Variants in MAK observed in about 807,000 individuals in gnomAD.
MAK encodes male germ cell associated kinase.
MAK carries 65 observed loss-of-function variants against 82.6 expected under a neutral mutation model. The ratio of observed to expected loss-of-function variants is 0.79; its 90% CI spans 0.64 to 0.97. The LOEUF is 0.97. Among genes scored for constraint, MAK ranks in the 50% least tolerant of loss-of-function variants. MAK has a pLI of 0.00. For missense variants in MAK, 703 were observed against 780.2 expected, an observed-to-expected ratio of 0.90 and a Z score of 1.18; for synonymous variants, 250 against 274.2, an observed-to-expected ratio of 0.91 and a Z score of 0.87.
intron 3 of MAK, among the ~76,000 whole-genome samples, chr6:10,818,613 CAAAA>C (rs35999127): frequency 1.8e-5 from 2 of 111,080 alleles, no homozygotes. Context: ...GACTCTGTCA[CAAAA>C]AAAAAAAAAA....
intron 6 of MAK, among the ~76,000 whole-genome samples, 158 bp downstream of exon 6, chr6:10,808,652 T>C (rs1189982645): frequency 1.3e-5 from 2 of 152,146 alleles, no homozygotes; most frequent in African/African-American, 4.8e-5. Context: ...GTGATCAGAA[T>C]AGCAATAAAC....
chr6:10,790,804 G>A (rs1428528557), intron 10 of MAK, among the ~76,000 whole-genome samples: 1 of 152,172 alleles, frequency 6.6e-6, no homozygotes, highest in Non-Finnish European at 1.5e-5. Flanking sequence ...CAGTTTTGAG[G>A]TGGGGCCTGG....
At chr6:10,796,972 T>G (rs562361794) in intron 8 of MAK, among the ~76,000 whole-genome samples, 10 of 152,274 alleles carry the variant, frequency 6.6e-5, no homozygotes, top group African/African-American at 2.4e-4. Flanking sequence ...GCTAAAATAC[T>G]ACACACCAAT....
intron 5 of MAK, among the ~76,000 whole-genome samples, chr6:10,810,115 AGAAAG>A (rs1561983265): frequency 4.3e-4 from 13 of 30,508 alleles, no homozygotes; most frequent in Non-Finnish European, 5.9e-4. Context: ...AAAAAAAAAA[AGAAAG>A]AAAAGAAAAA....
rs1285892339 is a variant in MAK, at chr6:10,833,193, CAT to C, written c.-229-2318_-229-2317del. On this transcript the variant is annotated intron_variant, in intron 1 of 14. Coordinates refer to ENST00000354489, the MANE Select transcript of MAK (RefSeq NM_001242957.3). ...AAAACAGCCTTTCCGGGAAAAGAAA[CAT>C]AAACATGAGCAGACATAAACGTGCA... Among the ~76,000 whole-genome samples the C allele has an allele frequency of 1.5e-4, 23 of 152,260 alleles. No homozygotes were observed. In the South Asian group the frequency reaches 4.6e-3, roughly 30 times the overall value.
intron 2 of MAK, among the ~76,000 whole-genome samples, chr6:10,826,955 T>A (rs941367360): frequency 6.6e-6 from 1 of 151,890 alleles, no homozygotes; most frequent in Non-Finnish European, 1.5e-5. Flanking sequence ...CTACTAAAAA[T>A]GCAAAATTAG....
chr6:10,789,422 A>C (rs1257167909), intron 10 of MAK, among the ~76,000 whole-genome samples: 7 of 152,178 alleles, frequency 4.6e-5, no homozygotes, highest in Admixed American at 1.3e-4. Flanking sequence ...GCTAAAATAC[A>C]GTAGCCCCCA....
intron 5 of MAK, among the ~76,000 whole-genome samples, chr6:10,813,130 ATATAAATTT>A (rs1777163477): frequency 2.6e-3 from 2 of 770 alleles, no homozygotes; most frequent in African/African-American, 7.5e-3. Context: ...ATATATATAT[ATATAAATTT>A]TTTTTTTTTT....
intron 3 of MAK, among the ~76,000 whole-genome samples, chr6:10,818,310 A>T (rs2127577070): frequency 6.6e-6 from 1 of 152,330 alleles, no homozygotes; most frequent in Middle Eastern, 3.4e-3. Flanking sequence ...GGTATGTAGT[A>T]ATTTAAAAAG....
In MAK at chr6:10,818,248, C is replaced by T. The variant is rs75891580; in HGVS notation, c.157-277G>A. The stretch of plus-strand genomic sequence containing the variant: ...CTAACTTTTGTCTGACTTAACCATG[C>T]AAAGGTATCCAAAATTGTATCCAAG... On this transcript the variant is annotated intron_variant, in intron 3 of 14. Transcript: ENST00000354489. Among the ~76,000 whole-genome samples the T allele has an allele frequency of 6.0e-3, 908 of 152,292 alleles. 11 individuals are homozygous for T. The highest frequency in any genetic ancestry group is 0.021 in the African/African-American group (856 of 41,558).
At chr6:10,766,070 A>G (rs1435586325) in intron 14 of MAK, among the ~76,000 whole-genome samples, 1 of 152,218 alleles carries the variant, frequency 6.6e-6, no homozygotes, top group Non-Finnish European at 1.5e-5. Flanking sequence ...GAGCTAAGGT[A>G]TCACAGGTAT....
intron 1 of MAK, among the ~76,000 whole-genome samples, chr6:10,832,657 C>T (rs1778892230): frequency 6.6e-6 from 1 of 152,000 alleles, no homozygotes; most frequent in Admixed American, 6.6e-5. Flanking sequence ...AGCTACTACA[C>T]CCAGCTATTT....
chr6:10,813,924 A>G (rs550107812), intron 4 of MAK, among the ~76,000 whole-genome samples: 1 of 152,102 alleles, frequency 6.6e-6, no homozygotes, highest in Non-Finnish European at 1.5e-5. Flanking sequence ...TGAGGTAAAA[A>G]CTCAAATCCA....
intron 8 of MAK, chr6:10,797,658 A>C (rs1182817910): frequency 1.0e-6 from 1 of 985,308 alleles, no homozygotes. Flanking sequence ...TGGGTTCCTT[A>C]AGATGGTCAA....
chr6:10,783,833 A>G (rs1384567961), intron 11 of MAK, among the ~76,000 whole-genome samples: 1 of 152,176 alleles, frequency 6.6e-6, no homozygotes, highest in South Asian at 2.1e-4. Context: ...ATCCCGGCTA[A>G]CACGGTGAAA....
At chr6:10,811,736 A>G (rs181765197) in intron 5 of MAK, among the ~76,000 whole-genome samples, 62 of 152,328 alleles carry the variant, frequency 4.1e-4, no homozygotes, top group African/African-American at 1.5e-3. Context: ...AATAGTTTAC[A>G]TATGGTGCAA....
intron 10 of MAK, among the ~76,000 whole-genome samples, chr6:10,789,203 T>C (rs1411704515): frequency 6.6e-6 from 1 of 151,828 alleles, no homozygotes; most frequent in African/African-American, 2.4e-5. Flanking sequence ...TATGCACTCC[T>C]TAGAGATTCC....
rs1226334213 is a variant in MAK at position 10,791,723 on chromosome 6, G to A, written c.1268C>T (p.Pro423Leu). ...YDFGASHSKKPSMGVFKEKRK... is the reference protein window; with the variant it reads ...YDFGASHSKKLSMGVFKEKRK... Reference sequence around the variant, plus strand: ...TTTTTCTTTAAAAACACCCATGCTTGGCTTCTTGGAATGGGAGGCTCCGAA... The same window carrying A: ...TTTTTCTTTAAAAACACCCATGCTTAGCTTCTTGGAATGGGAGGCTCCGAA... Residue 423 changes from proline to leucine, a missense_variant, in exon 10 of 15, where the codon CCA (proline) becomes CTA (leucine). Pro to Leu is a moderately conservative substitution (Grantham distance 98). Coordinates refer to ENST00000354489, the MANE Select transcript of MAK (RefSeq NM_001242957.3). The A allele has an allele frequency of 1.2e-6, 2 of 1,613,936 alleles. No individual in the cohort carries two copies. The highest frequency in any genetic ancestry group is 1.7e-6 in the Non-Finnish European group (2 of 1,179,966).
At chr6:10,814,879 A>G (rs907276632) in intron 4 of MAK, among the ~76,000 whole-genome samples, 1 of 152,046 alleles carries the variant, frequency 6.6e-6, no homozygotes, top group African/African-American at 2.4e-5. Flanking sequence ...CTCTACTACA[A>G]ATACAAAAAT....
Sources: gnomAD v4.1 joint callset for allele counts (sites outside exome capture counted in the v4.1 genomes callset) on GRCh38, gnomAD v4.1.1 for gene constraint, MANE v1.5 for transcripts, NCBI Gene and HGNC (gene_info 2026-07-23, HGNC 2026-07-21) for gene names.